UBA7: variants seen among roughly 807,000 people sequenced by gnomAD.
The protein encoded by UBA7 is ubiquitin like modifier activating enzyme 7.
A neutral mutation model predicts 113.0 loss-of-function variants in UBA7; 88 were observed. The observed-to-expected ratio is 0.78, with a 90% CI of 0.66 to 0.93. The LOEUF (loss-of-function observed/expected upper bound fraction) is 0.93. UBA7 is among the 40% of genes least tolerant of loss of function. The pLI, the probability that UBA7 is intolerant of heterozygous loss-of-function variation, is 0.00. For missense variants in UBA7, 1,092 were observed against 1,266.4 expected (o/e 0.86, Z 2.09); for synonymous variants, 459 against 513.0 (o/e 0.89, Z 1.42).
At chr3:49,808,854 G>T in intron 18 of UBA7, 122 bp downstream of exon 18, 1 of 1,296,964 alleles carries the variant, frequency 7.7e-7, no homozygotes, top group South Asian at 1.5e-5. Flanking sequence ...TAGGAGGCCT[G>T]AGAGGTAGCA....
chr3:49,810,710 T>C lies in UBA7; in HGVS notation c.1312-38A>G. 6.2e-7 allele frequency: 1 copy of C among 1,614,110 alleles called. No individual in the cohort carries two copies. Among genetic ancestry groups the C allele is most frequent in the Non-Finnish European group, 8.5e-7 (1 of 1,179,970 alleles). On this transcript the variant is annotated intron_variant, in intron 11 of 23. Transcript: ENST00000333486. The surrounding 1 kb of genome is among the most constrained non-coding windows in gnomAD (Gnocchi z 5.6). ...ACAGCCTTAGCCAGAGGGGCTGGGC[T>C]GGCTCTCCCAAAGGCACCCCCAGTC...
rs183277003 is a variant in UBA7, at chr3:49,811,109, G to A, written c.1123-18C>T. On this transcript the variant is annotated intron_variant, in intron 9 of 23. Transcript: ENST00000333486. The stretch of plus-strand genomic sequence containing the variant: ...GAGATTGCCTAGGGGCAGCACTTCA[G>A]GCTGGGCACTCCTGCCACCTCCTGA... 12 of 1,613,170 alleles carry A rather than the reference G, an allele frequency of 7.4e-6. No homozygotes were observed. The East Asian group carries it at 2.7e-4, about 36-fold the overall frequency.
rs780279258 is a variant in UBA7 at position 49,809,798 on chromosome 3, T to TCTGTTGGTGGCCTTA, written c.1904+2_1904+16dup. On this transcript the variant is annotated intron_variant, in intron 15 of 23. Transcript: ENST00000333486. Reference sequence around the variant, plus strand: ...TTGGAGCCCTGGACTCCCATCTGCCTCTGTTGGTGGCCTTACTGTTGGTGG... The same window carrying TCTGTTGGTGGCCTTA: ...TTGGAGCCCTGGACTCCCATCTGCCTCTGTTGGTGGCCTTACTGTTGGTGGCCTTACTGTTGGTGG... 4 of 1,614,086 alleles carry TCTGTTGGTGGCCTTA rather than the reference T, an allele frequency of 2.5e-6. No homozygotes were observed. The highest frequency in any genetic ancestry group is 3.4e-6 in the Non-Finnish European group (4 of 1,180,014).
At position 49,809,984 on chromosome 3, in the gene UBA7, G is replaced by C; in HGVS notation, c.1833C>G (p.Thr611=). ...VRYFPSTAEH[T]LQWARHEFEE... is the part of the protein sequence containing the mutation. The stretch of plus-strand genomic sequence containing the variant: ...TCTCCAGGGTGCTTCCTACCTGCAG[G>C]GTGTGCTCGGCTGTGCTAGGGAAGT... Residue 611 remains threonine, a synonymous_variant, in exon 14 of 24, where the codon ACC becomes ACG. Coordinates refer to ENST00000333486, the MANE Select transcript of UBA7 (RefSeq NM_003335.3). 1 of 1,613,818 alleles carries C rather than the reference G, an allele frequency of 6.2e-7. No homozygotes were observed. The highest frequency in any genetic ancestry group is 2.2e-5 in the East Asian group (1 of 44,884).
rs1012060176 is a variant in UBA7 at position 49,807,531 on chromosome 3, G to C, written c.2715+205C>G. ...CCCAGATCCTGGGCTTTGGAGGATT[G>C]GGGGTGGGGATGGCTGACGGCTGCT... On this transcript the variant is annotated intron_variant, in intron 21 of 23. Coordinates refer to ENST00000333486, the MANE Select transcript of UBA7 (RefSeq NM_003335.3). The surrounding 1 kb of genome is among the most constrained non-coding windows in gnomAD (Gnocchi z 4.0). Among the ~76,000 whole-genome samples, 6 of 152,300 alleles carry C rather than the reference G, an allele frequency of 3.9e-5. No individual in the cohort carries two copies. The highest frequency in any genetic ancestry group is 2.6e-4 in the Admixed American group (4 of 15,298).
In UBA7 at chr3:49,806,092, G is replaced by A. The variant is rs368981426; in HGVS notation, c.2789C>T (p.Ser930Leu). 7.6e-5 allele frequency: 122 copies of A among 1,595,684 alleles called. No individual in the cohort carries two copies. Among genetic ancestry groups the A allele is most frequent in the Middle Eastern group, 1.7e-4 (1 of 6,008 alleles). Residue 930 changes from serine (S) to leucine (L), a missense_variant, in exon 22 of 24, where the codon TCG becomes TTG. By Grantham distance (145) the Ser-to-Leu change is moderately radical. Around this residue, in one of 3 missense-constraint regions of UBA7, gnomAD observed 500 missense variants for 529.3 expected, o/e 0.94. Transcript: ENST00000333486. ...GCACACCTGAAGATGAGCCAGCAGC[G>A]ACTCCAGGGTCCTCTCAGGCTGCCC... is the stretch of plus-strand genomic sequence containing the variant. ...PAGQPERTLE[S>L]LLAHLQEQHG...
chr3:49,812,989 G>C lies in UBA7; in HGVS notation c.467+73C>G. The C allele has an allele frequency of 2.0e-6, 3 of 1,533,796 alleles. No homozygotes were observed. In the South Asian group the frequency reaches 3.7e-5, roughly 19 times the overall value. ...GCTGGTTGGAGGGGCACTGGAGCAA[G>C]CCTGGAGCTGAGGACAGCATGAGGC... On this transcript the variant is annotated intron_variant, in intron 4 of 23. Transcript: ENST00000333486.
intron 21 of UBA7, among the ~76,000 whole-genome samples, chr3:49,806,965 A>G (rs939889479): frequency 2.6e-5 from 4 of 152,098 alleles, no homozygotes; most frequent in African/African-American, 9.7e-5. Context: ...GTGCTGGCCC[A>G]TGACCTCTGC....
At position 49,810,382 on chromosome 3, in the gene UBA7, G is replaced by A. The variant is rs369012211; in HGVS notation, c.1514C>T (p.Pro505Leu). The part of the protein sequence containing the change: ...VAAAAARGLN[P>L]DLQVIPLTYP... Reference sequence around the variant, plus strand: ...GGTGAGCGGGATCACCTGTAAGTCTGGGTTCAGGCCCCGGGCAGCTGCTGC... The same window carrying A: ...GGTGAGCGGGATCACCTGTAAGTCTAGGTTCAGGCCCCGGGCAGCTGCTGC... Residue 505 changes from proline to leucine, a missense_variant, in exon 13 of 24, where the codon CCA (proline) becomes CTA (leucine). Physicochemically the swap from Pro to Leu is moderately conservative, Grantham distance 98. This residue lies in a region of UBA7 where 584 missense variants were observed against 714.5 expected (regional missense o/e 0.82). Transcript: ENST00000333486. The surrounding 1 kb of genome is among the most constrained non-coding windows in gnomAD (Gnocchi z 5.6). The A allele has an allele frequency of 6.2e-7, 1 of 1,614,184 alleles. No individual in the cohort carries two copies. The highest frequency in any genetic ancestry group is 1.7e-5 in the Admixed American group (1 of 60,020).
At chr3:49,805,713 ACTC>A (rs1249934572) in intron 23 of UBA7, among the ~76,000 whole-genome samples, 181 bp downstream of exon 23, 1 of 151,660 alleles carries the variant, frequency 6.6e-6, no homozygotes, top group African/African-American at 2.4e-5. Flanking sequence ...GCTCCTGAAG[ACTC>A]CTCCTCAGGC....
At position 49,806,065 on chromosome 3, in the gene UBA7, G is replaced by A. The variant is rs1285697070; in HGVS notation, c.2808+8C>T. On this transcript the variant is annotated splice_region_variant and intron_variant, in intron 22 of 23. Transcript: ENST00000333486. Reference sequence around the variant, plus strand: ...GAGCCTGGGGGTTGGGGTAGCAACAGGGCACACCTGAAGATGAGCCAGCAG... The same window carrying A: ...GAGCCTGGGGGTTGGGGTAGCAACAAGGCACACCTGAAGATGAGCCAGCAG... 3 of 1,585,548 alleles carry A rather than the reference G, an allele frequency of 1.9e-6. No homozygotes were observed. Among genetic ancestry groups the A allele is most frequent in the Admixed American group, 1.8e-5 (1 of 55,230 alleles).
rs777476455 is a variant in UBA7, at chr3:49,811,031, G to T, written c.1183C>A (p.Leu395Ile). ...QWLYFDALDCLPEDGELLPSP... is the reference protein window; with the variant it reads ...QWLYFDALDCIPEDGELLPSP... ...GGAAGGAGCTCCCCATCTTCCGGAA[G>T]ACAATCGAGGGCATCAAAGTAAAGC... The change falls in exon 10 of 24, where the codon CTT (leucine) becomes ATT (isoleucine). Residue 395 changes from leucine (L) to isoleucine (I), a missense_variant. Around this residue, in one of 3 missense-constraint regions of UBA7, gnomAD observed 584 missense variants for 714.5 expected, o/e 0.82. Coordinates refer to ENST00000333486, the MANE Select transcript of UBA7 (RefSeq NM_003335.3). 5.0e-6 allele frequency: 8 copies of T among 1,613,996 alleles called. No homozygotes were observed. The African/African-American group carries it at 8.0e-5, about 16-fold the overall frequency.
intron 4 of UBA7, 142 bp from the exon 5 acceptor site, chr3:49,812,880 G>A: frequency 1.7e-6 from 2 of 1,190,006 alleles, no homozygotes; most frequent in Non-Finnish European, 2.4e-6. Context: ...AGGGTTACTG[G>A]AGCAGGTCTG....
At chr3:49,806,254 T>C in intron 21 of UBA7, 89 bp from the exon 22 acceptor site, 1 of 956,138 alleles carries the variant, frequency 1.0e-6, no homozygotes, top group Non-Finnish European at 1.5e-6. Flanking sequence ...GGGGAAGAGC[T>C]GGACTAGCAG....
Position 49,813,748 on chromosome 3 carries a change from G to GCTCCTCAT in UBA7, c.32_39dup (p.Leu14MetfsTer43). 1 of 1,614,228 alleles carries GCTCCTCAT rather than the reference G, an allele frequency of 6.2e-7. No homozygotes were observed. On this transcript the variant is annotated frameshift_variant, in exon 1 of 24. Transcript: ENST00000333486. LOFTEE classifies it high-confidence loss of function. Reference sequence around the variant, plus strand: ...GGGCCTCACAGCTGTCTTGAATACAGCTCCTCATCCAGTAGCTTCGAAGCG... The same window carrying GCTCCTCAT: ...GGGCCTCACAGCTGTCTTGAATACAGCTCCTCATCTCCTCATCCAGTAGCTTCGAAGCG...
Position 49,805,234 on chromosome 3 carries a change from G to A in UBA7, c.*74C>T, listed in dbSNP as rs1175009175. 86 of 1,433,330 alleles carry A rather than the reference G, an allele frequency of 6.0e-5. 1 individual carries two copies. The South Asian group carries it at 1.0e-3, about 17-fold the overall frequency. 88.8% of individuals were successfully genotyped at this position (1,433,330 alleles called of 1,614,324 possible). A position where few individuals can be genotyped will look rare whatever the true frequency, so the allele number is the denominator to read the frequency against. ...TTCCTTTAACAAGCATTTATTGAGTGCCTACTGTGGGCTTACAATGCAGGG... is the reference window on the plus strand; with the variant it reads ...TTCCTTTAACAAGCATTTATTGAGTACCTACTGTGGGCTTACAATGCAGGG... On this transcript the variant is annotated 3_prime_UTR_variant, in exon 24 of 24. Transcript: ENST00000333486.
intron 23 of UBA7, 46 bp from the exon 24 acceptor site, chr3:49,805,483 A>G: frequency 6.3e-7 from 1 of 1,580,668 alleles, no homozygotes; most frequent in Non-Finnish European, 8.7e-7. Context: ...GAGCCATGGC[A>G]AGCAGAAGGC....
At chr3:49,809,945 G>A in intron 14 of UBA7, 33 bp downstream of exon 14, 1 of 1,614,102 alleles carries the variant, frequency 6.2e-7, no homozygotes, top group East Asian at 2.2e-5. Context: ...GGGCTGAGCT[G>A]GGTGGGGTGG....
At position 49,813,937 on chromosome 3, in the gene UBA7, C is replaced by G; in HGVS notation, c.-150G>C. 2 of 604,046 alleles carry G rather than the reference C, an allele frequency of 3.3e-6. No individual in the cohort carries two copies. The highest frequency in any genetic ancestry group is 6.6e-5 in the Admixed American group (2 of 30,238). The allele number at this position is 604,046 out of a possible 1,614,324, so 37.4% of individuals were successfully genotyped here. ...ATAAGGGACGCTGCTGGTCACAGCT[C>G]TCTTCCTGGAGAAAAGAAAAGTGAA... On this transcript the variant is annotated 5_prime_UTR_variant, in exon 1 of 24. Coordinates refer to ENST00000333486, the MANE Select transcript of UBA7 (RefSeq NM_003335.3).
Sources: gnomAD v4.1 joint callset for allele counts (sites outside exome capture counted in the v4.1 genomes callset) on GRCh38, gnomAD v4.1.1 for gene constraint, gnomAD v4.1.1 regional missense constraint, Gnocchi (gnomAD v3.1) non-coding constraint, MANE v1.5 for transcripts, NCBI Gene and HGNC (gene_info 2026-07-23, HGNC 2026-07-21) for gene names.